CLDN14: variants seen among roughly 807,000 people sequenced by gnomAD.
CLDN14 encodes the protein claudin-14.
A neutral mutation model predicts 2.1 loss-of-function variants in CLDN14; 2 were observed. The ratio of observed to expected loss-of-function variants is 0.96; its 90% CI spans 0.39 to 3.01. The LOEUF (loss-of-function observed/expected upper bound fraction) is 3.01, where lower values mean the gene tolerates loss of function less well. Ranked by LOEUF, CLDN14 falls within the 30% of genes most tolerant of loss-of-function variation. The probability of loss-of-function intolerance (pLI) is 0.09; values close to 1 mark genes in which losing one functional copy is unlikely to be tolerated. For missense variants in CLDN14, 298 were observed against 328.0 expected (o/e 0.91, Z 0.71); for synonymous variants, 136 against 154.4 (o/e 0.88, Z 0.88).
intron 2 of CLDN14, among the ~76,000 whole-genome samples, chr21:36,491,269 C>A (rs1157427172): frequency 1.3e-5 from 2 of 152,112 alleles, no homozygotes; most frequent in Admixed American, 6.5e-5. Context: ...AAGGTTTGTG[C>A]CCTAAAACAA....
chr21:36,462,561 G>A (rs2086591815), intron 1 of CLDN14, among the ~76,000 whole-genome samples: 1 of 152,136 alleles, frequency 6.6e-6, no homozygotes, highest in South Asian at 2.1e-4. Flanking sequence ...GGCTTTTAAA[G>A]AATTCTTAGC....
rs371371321 is a variant in CLDN14, at chr21:36,567,876, GC to G, written c.-220+8534del. Among the ~76,000 whole-genome samples the G allele has an allele frequency of 1.9e-4, 29 of 152,142 alleles. No homozygotes were observed. In the East Asian group the frequency reaches 5.4e-3, roughly 28 times the overall value. ...TTCATACATTTGTTTCAATCAAAGG[GC>G]TTTTATTTAGTACCATTTATTTAGT... is the stretch of plus-strand genomic sequence containing the variant. On this transcript the variant is annotated intron_variant, in intron 1 of 2. Transcript: ENST00000342108.
At position 36,551,862 on chromosome 21, in the gene CLDN14, A is replaced by G. The variant is rs376218; in HGVS notation, c.-220+24549T>C. 0.85 allele frequency among the ~76,000 whole-genome samples: 128,906 copies of G among 152,126 alleles called. 55,022 individuals are homozygous for G. Among genetic ancestry groups the G allele is most frequent in the Non-Finnish European group, 0.9 (61,138 of 68,026 alleles). ...CTGTCGGTCGAGAGGAGAGTGCAGCATGACCCAACAGCCCTGCTGCTCCCA... is the reference window on the plus strand; with the variant it reads ...CTGTCGGTCGAGAGGAGAGTGCAGCGTGACCCAACAGCCCTGCTGCTCCCA... On this transcript the variant is annotated intron_variant, in intron 1 of 2. Transcript: ENST00000342108. This position sits in a 1 kb window ranked among gnomAD's most constrained non-coding sequence, Gnocchi z 4.8.
At chr21:36,500,351 G>C (rs950866764) in intron 2 of CLDN14, among the ~76,000 whole-genome samples, 3 of 152,180 alleles carry the variant, frequency 2.0e-5, no homozygotes, top group Admixed American at 6.5e-5. Flanking sequence ...TGACGCCTCG[G>C]ACAGTGACAC....
chr21:36,512,081 A>G (rs114639224), intron 1 of CLDN14, among the ~76,000 whole-genome samples: 266 of 152,264 alleles, frequency 1.7e-3, no homozygotes, highest in African/African-American at 6.0e-3. Flanking sequence ...TGATGCTCCT[A>G]TGTGAGCAGA....
chr21:36,464,251 G>A (rs1276495441), intron 1 of CLDN14, among the ~76,000 whole-genome samples: 2 of 152,016 alleles, frequency 1.3e-5, no homozygotes, highest in Non-Finnish European at 2.9e-5. Flanking sequence ...GTTTCCTAAG[G>A]CCTCCCCAGC....
At chr21:36,530,159 G>C (rs903188337) in intron 1 of CLDN14, among the ~76,000 whole-genome samples, 1 of 152,252 alleles carries the variant, frequency 6.6e-6, no homozygotes, top group Non-Finnish European at 1.5e-5. Flanking sequence ...CTTGTAGATA[G>C]AGTTGGTTTA....
At chr21:36,530,844 AAGAC>A (rs1284114014) in intron 1 of CLDN14, among the ~76,000 whole-genome samples, 5 of 152,258 alleles carry the variant, frequency 3.3e-5, no homozygotes, top group African/African-American at 9.6e-5. Context: ...AGAAGGCTCT[AAGAC>A]AGCCTGTTGA....
At chr21:36,517,263 G>A (rs577991306) in intron 1 of CLDN14, among the ~76,000 whole-genome samples, 7 of 152,340 alleles carry the variant, frequency 4.6e-5, no homozygotes, top group South Asian at 4.1e-4. Flanking sequence ...AGCCACATTC[G>A]TTTGTGTACT....
chr21:36,466,169 C>G (rs2086643777), intron 1 of CLDN14, among the ~76,000 whole-genome samples: 1 of 152,172 alleles, frequency 6.6e-6, no homozygotes, highest in Non-Finnish European at 1.5e-5. Context: ...GCAGCATCCG[C>G]TAAACTTATT....
chr21:36,509,873 C>T (rs1285346485), intron 2 of CLDN14, among the ~76,000 whole-genome samples: 3 of 152,096 alleles, frequency 2.0e-5, no homozygotes, highest in East Asian at 1.9e-4. Context: ...GGATTACAGA[C>T]GTGAGCCACC....
At chr21:36,510,299 G>A (rs1049799849) in intron 2 of CLDN14, 3 of 152,236 alleles carry the variant, frequency 2.0e-5, no homozygotes, top group African/African-American at 7.2e-5. Context: ...AATGCTACAT[G>A]TTTACAGATT....
At chr21:36,563,977 T>G (rs191734848) in intron 1 of CLDN14, among the ~76,000 whole-genome samples, 2 of 152,176 alleles carry the variant, frequency 1.3e-5, no homozygotes. Context: ...CCTTCCCTAA[T>G]GGGAAAGTGT....
chr21:36,557,199 A>G (rs1361978420), intron 1 of CLDN14, among the ~76,000 whole-genome samples: 3 of 152,180 alleles, frequency 2.0e-5, no homozygotes, highest in Non-Finnish European at 2.9e-5. Flanking sequence ...GTCAGTGGAC[A>G]TTTTAGGTTG....
chr21:36,524,676 T>C (rs750731726), intron 1 of CLDN14, among the ~76,000 whole-genome samples: 9 of 152,302 alleles, frequency 5.9e-5, no homozygotes, highest in Admixed American at 3.3e-4. Context: ...GTAGAGCAAG[T>C]GCTGCCACCT....
chr21:36,535,924 A>C (rs1316415882), intron 1 of CLDN14, among the ~76,000 whole-genome samples: 2 of 152,230 alleles, frequency 1.3e-5, no homozygotes, highest in African/African-American at 4.8e-5. Context: ...CAGGAGGCAA[A>C]GTGGCATGAA....
chr21:36,492,205 C>T lies in CLDN14; in HGVS notation c.-82+18158G>A, dbSNP rs1035276324. ...ATCCCAGCACTTTGGAAGGCCGAGG[C>T]GGGTGGATCATGAGGTCAGGAGATC... On this transcript the variant is annotated intron_variant, in intron 2 of 2. Transcript: ENST00000342108. Among the ~76,000 whole-genome samples the T allele has an allele frequency of 8.5e-4, 106 of 125,188 alleles. 7 individuals are homozygous for T. The highest frequency in any genetic ancestry group is 2.6e-3 in the African/African-American group (71 of 27,238). The allele number at this position is 125,188 out of a possible 152,430, so 82.1% of individuals were successfully genotyped here.
intron 1 of CLDN14, among the ~76,000 whole-genome samples, chr21:36,558,658 T>G (rs2087614259): frequency 6.6e-6 from 1 of 152,134 alleles, no homozygotes. Flanking sequence ...TAAATTTCCT[T>G]TTCAGATAGT....
chr21:36,486,603 C>A, intron 2 of CLDN14: 1 of 1,545,374 alleles, frequency 6.5e-7, no homozygotes. Flanking sequence ...AGATGAGAAC[C>A]GCTTCCATCT....
Sources: allele counts gnomAD v4.1 joint callset (sites outside exome capture counted in the v4.1 genomes callset), GRCh38; gene constraint gnomAD v4.1.1; non-coding constraint Gnocchi (gnomAD v3.1); transcripts MANE v1.5; gene names NCBI Gene and HGNC (gene_info 2026-07-23, HGNC 2026-07-21).